G3BP1: variants seen among roughly 807,000 people sequenced by gnomAD.
The protein encoded by G3BP1 is ras GTPase-activating protein-binding protein 1.
Under a neutral mutation model 58.6 loss-of-function variants are expected in G3BP1, and 35 were observed. That is an observed-to-expected ratio of 0.60 (90% CI 0.46 to 0.79). G3BP1 has a LOEUF of 0.79. G3BP1 is among the 30% of genes least tolerant of loss of function. The pLI, the probability that G3BP1 is intolerant of heterozygous loss-of-function variation, is 0.00. For synonymous variants in G3BP1, 191 were observed against 195.4 expected (o/e 0.98, Z 0.19); for missense variants, 523 against 580.8 (o/e 0.90, Z 1.02).
At chr5:151,790,486 T>A in intron 3 of G3BP1, 82 bp downstream of exon 3, 1 of 672,830 alleles carries the variant, frequency 1.5e-6, no homozygotes, top group Non-Finnish European at 2.5e-6. Context: ...CTTAATAGAT[T>A]TGCTGATAAA....
At chr5:151,776,182 G>C (rs1561529733) in intron 1 of G3BP1, among the ~76,000 whole-genome samples, 1 of 152,150 alleles carries the variant, frequency 6.6e-6, no homozygotes, top group Admixed American at 6.5e-5. Flanking sequence ...TGATGTTAAG[G>C]ATTAGACTGA....
chr5:151,804,062 G>A lies in G3BP1; in HGVS notation c.1372G>A (p.Val458Met). The change falls in exon 12 of 12, where the codon GTG becomes ATG. Residue 458 changes from valine (V) to methionine (M), a missense_variant. Around this residue, in one of 2 missense-constraint regions of G3BP1, gnomAD observed 125 missense variants for 181.7 expected, o/e 0.69. Transcript: ENST00000356245. The part of the protein sequence containing the change: ...GGMVQKPGFG[V>M]GRGLAPRQ ...CATGGTGCAGAAACCAGGATTTGGA[G>A]TGGGAAGGGGGCTTGCGCCACGGCA... 6.2e-7 allele frequency: 1 copy of A among 1,611,750 alleles called. No homozygotes were observed. Among genetic ancestry groups the A allele is most frequent in the Non-Finnish European group, 8.5e-7 (1 of 1,178,454 alleles).
intron 1 of G3BP1, chr5:151,772,252 TGTCCGCCGCGTGCGCGTGCTGC>T (rs1762279576): frequency 4.1e-5 from 6 of 147,026 alleles, no homozygotes; most frequent in Admixed American, 3.4e-4. Context: ...CGCGTGGCCG[TGTCCGCCGCGTGCGCGTGCTGC>T]GTCCAACGGC....
chr5:151,792,535 T>A (rs557112094), intron 4 of G3BP1, among the ~76,000 whole-genome samples: 41 of 152,360 alleles, frequency 2.7e-4, no homozygotes, highest in South Asian at 4.1e-4. Context: ...ATCTAACTTC[T>A]TAGTATAATA....
chr5:151,800,083 C>A lies in G3BP1; in HGVS notation c.955+83C>A, dbSNP rs1475310446. ...TGGGAGGGCAGTTGATATTTATATA[C>A]TTTAAAATAAAAATATTGTAGGGTT... On this transcript the variant is annotated intron_variant, in intron 9 of 11. Coordinates refer to ENST00000356245, the MANE Select transcript of G3BP1 (RefSeq NM_005754.3). 1.3e-4 allele frequency: 157 copies of A among 1,173,078 alleles called. 1 individual carries two copies. 72.7% of individuals were successfully genotyped at this position (1,173,078 alleles called of 1,614,324 possible).
In G3BP1 at chr5:151,789,808, C is replaced by A. The variant is rs79805163; in HGVS notation, c.96-515C>A. On this transcript the variant is annotated intron_variant, in intron 2 of 11. Transcript: ENST00000356245. ...CTGAAACCTGGAACCAAATCCATTC[C>A]CATTCAGCAAATGTTGATCAAGTGG... Among the ~76,000 whole-genome samples the A allele has an allele frequency of 1.3e-3, 205 of 152,210 alleles. 8 individuals carry two copies. In the East Asian group the frequency reaches 0.038, roughly 28 times the overall value.
chr5:151,808,599 T>C lies in G3BP1; in HGVS notation c.*4508T>C, dbSNP rs900219829. 1.3e-5 allele frequency: 2 copies of C among 152,248 alleles called. No individual in the cohort carries two copies. Among genetic ancestry groups the C allele is most frequent in the African/African-American group, 4.8e-5 (2 of 41,464 alleles). The allele number at this position is 152,248 out of a possible 1,614,324, so 9.4% of individuals were successfully genotyped here. Reference sequence around the variant, plus strand: ...TAGGGAATCTGTTCAACTATTCCTTTAATAAATCATGTGACTTGGCCAATT... The same window carrying C: ...TAGGGAATCTGTTCAACTATTCCTTCAATAAATCATGTGACTTGGCCAATT... On this transcript the variant is annotated 3_prime_UTR_variant, in exon 12 of 12. Transcript: ENST00000356245.
rs1054602332 is a variant in G3BP1, at chr5:151,807,743, C to T, written c.*3652C>T. ...TTTGAAAAACCCTTGTAGAATTTAACGATTTAATGGAAAATGTTGCACTTT... is the reference window on the plus strand; with the variant it reads ...TTTGAAAAACCCTTGTAGAATTTAATGATTTAATGGAAAATGTTGCACTTT... On this transcript the variant is annotated 3_prime_UTR_variant, in exon 12 of 12. Transcript: ENST00000356245. 1 of 152,128 alleles carries T rather than the reference C, an allele frequency of 6.6e-6. No individual in the cohort carries two copies. The highest frequency in any genetic ancestry group is 1.5e-5 in the Non-Finnish European group (1 of 68,018). 9.4% of individuals were successfully genotyped at this position (152,128 alleles called of 1,614,324 possible).
intron 11 of G3BP1, among the ~76,000 whole-genome samples, chr5:151,803,118 T>C (rs1460513396): frequency 6.6e-6 from 1 of 152,224 alleles, no homozygotes; most frequent in Non-Finnish European, 1.5e-5. Flanking sequence ...AGGCCAAGAC[T>C]ATCCAAAATT....
In G3BP1 at chr5:151,791,278, C is replaced by T. The variant is rs529196127; in HGVS notation, c.351+216C>T. 6.2e-4 allele frequency: 257 copies of T among 412,710 alleles called. 5 individuals carry two copies. The South Asian group carries it at 9.6e-3, about 15-fold the overall frequency. The allele number at this position is 412,710 out of a possible 1,614,324, so 25.6% of individuals were successfully genotyped here. ...TCTAAAATAGTTTAGTGGGCATTTC[C>T]TAAGAATAATTCTCTTCCATTCTGT... On this transcript the variant is annotated intron_variant, in intron 4 of 11. Transcript: ENST00000356245.
chr5:151,800,196 G>T, intron 9 of G3BP1, 22 bp from the exon 10 acceptor site: 2 of 1,609,252 alleles, frequency 1.2e-6, no homozygotes, highest in Non-Finnish European at 1.7e-6. Flanking sequence ...GTCTTTCATT[G>T]ATGTTTTTGT....
chr5:151,800,615 G>T, intron 10 of G3BP1, 145 bp from the exon 11 acceptor site: 1 of 624,138 alleles, frequency 1.6e-6, no homozygotes, highest in South Asian at 2.2e-5. Context: ...CTTATGAGAG[G>T]CACATCTCAA....
intron 7 of G3BP1, 47 bp downstream of exon 7, chr5:151,797,475 TA>T (rs1268235938): frequency 3.9e-6 from 6 of 1,540,052 alleles, no homozygotes; most frequent in Non-Finnish European, 5.3e-6. Flanking sequence ...TTATTTTTTT[TA>T]AAAAAAGTTT....
intron 1 of G3BP1, among the ~76,000 whole-genome samples, chr5:151,783,758 A>C (rs1342541774): frequency 6.6e-6 from 1 of 151,894 alleles, no homozygotes; most frequent in Admixed American, 6.6e-5. Context: ...TGAAGAACTT[A>C]CCTAAACATT....
intron 1 of G3BP1, among the ~76,000 whole-genome samples, chr5:151,774,152 C>T (rs562109463): frequency 6.6e-6 from 1 of 152,242 alleles, no homozygotes; most frequent in East Asian, 1.9e-4. Context: ...AGTCATACGT[C>T]AGTTTTGTTG....
intron 5 of G3BP1, among the ~76,000 whole-genome samples, chr5:151,794,465 A>T (rs563598164): frequency 6.6e-6 from 1 of 152,346 alleles, no homozygotes; most frequent in East Asian, 1.9e-4. Flanking sequence ...TAAGACTCTT[A>T]GGTCAGAAGG....
intron 7 of G3BP1, 44 bp from the exon 8 acceptor site, chr5:151,799,168 T>C (rs778937786): frequency 1.8e-5 from 17 of 943,160 alleles, no homozygotes; most frequent in African/African-American, 4.8e-5. Context: ...TTATATTGTT[T>C]TGATACCTGG....
chr5:151,800,136 G>A lies in G3BP1; in HGVS notation c.956-82G>A, dbSNP rs937862944. On this transcript the variant is annotated intron_variant, in intron 9 of 11. Coordinates refer to ENST00000356245, the MANE Select transcript of G3BP1 (RefSeq NM_005754.3). Reference sequence around the variant, plus strand: ...TGGAATTACCTGTTTTTAGTGTAGAGGGAAAACTATTGAATGTGAGCAGTC... The same window carrying A: ...TGGAATTACCTGTTTTTAGTGTAGAAGGAAAACTATTGAATGTGAGCAGTC... 38 of 1,396,892 alleles carry A rather than the reference G, an allele frequency of 2.7e-5. No homozygotes were observed. The East Asian group carries it at 8.5e-4, about 31-fold the overall frequency. 86.5% of individuals were successfully genotyped at this position (1,396,892 alleles called of 1,614,324 possible). A position where few individuals can be genotyped will look rare whatever the true frequency, so the allele number is the denominator to read the frequency against.
rs183223915 is a variant in G3BP1, at chr5:151,795,218, A to G, written c.443-261A>G. Among the ~76,000 whole-genome samples the G allele has an allele frequency of 1.9e-4, 29 of 152,248 alleles. 1 individual carries two copies. In the East Asian group the frequency reaches 5.6e-3, roughly 29 times the overall value. ...GTGAACCCAGGAGGTGGGGCTTTCAATGAGCCGAGATCGCGCCACTGCACT... is the reference window on the plus strand; with the variant it reads ...GTGAACCCAGGAGGTGGGGCTTTCAGTGAGCCGAGATCGCGCCACTGCACT... On this transcript the variant is annotated intron_variant, in intron 5 of 11. Coordinates refer to ENST00000356245, the MANE Select transcript of G3BP1 (RefSeq NM_005754.3).
Sources: allele counts gnomAD v4.1 joint callset (sites outside exome capture counted in the v4.1 genomes callset), GRCh38; gene constraint gnomAD v4.1.1; regional missense constraint gnomAD v4.1.1; transcripts MANE v1.5; gene names NCBI Gene and HGNC (gene_info 2026-07-23, HGNC 2026-07-21).